PSMG2: variants seen among roughly 807,000 people sequenced by gnomAD.
PSMG2 encodes proteasome assembly chaperone 2, also known as CD40 ligand-activated specific transcript 3.
In PSMG2, 21 loss-of-function variants were observed where a neutral mutation model predicts 31.5. That is an observed-to-expected ratio of 0.67 (90% CI 0.47 to 0.96). The LOEUF is 0.96. PSMG2 is among the 40% of genes least tolerant of loss of function. The probability of loss-of-function intolerance (pLI) is 0.00; values close to 1 mark genes in which losing one functional copy is unlikely to be tolerated. For missense variants in PSMG2, 318 were observed against 321.2 expected (o/e 0.99, Z 0.08); for synonymous variants, 120 against 110.4 (o/e 1.09, Z -0.54).
intron 2 of PSMG2, among the ~76,000 whole-genome samples, chr18:12,711,682 CCCCT>C (rs1282342576): frequency 5.3e-5 from 8 of 152,000 alleles, no homozygotes; most frequent in African/African-American, 1.9e-4. Flanking sequence ...CCAACACTTA[CCCCT>C]TAGCACAGTA....
intron 4 of PSMG2, 101 bp from the exon 5 acceptor site, chr18:12,720,409 T>C: frequency 1.1e-6 from 1 of 938,206 alleles, no homozygotes; most frequent in Non-Finnish European, 1.5e-6. Flanking sequence ...AACTTGTGTT[T>C]TGCCTGTGCA....
chr18:12,662,187 A>G (rs71353221), intron 1 of PSMG2: 34,875 of 428,846 alleles, frequency 0.081, 1,803 homozygotes, highest in Non-Finnish European at 0.11. Flanking sequence ...AGTGCACCAG[A>G]AAGGAAAAAA....
intron 1 of PSMG2, among the ~76,000 whole-genome samples, chr18:12,683,102 T>C (rs2039407293): frequency 6.7e-6 from 1 of 150,134 alleles, no homozygotes; most frequent in African/African-American, 2.5e-5. Context: ...TCTCAGCACT[T>C]TGGGAGGCTG....
chr18:12,695,199 AAT>A, intron 1 of PSMG2: 1 of 704,006 alleles, frequency 1.4e-6, no homozygotes, highest in Non-Finnish European at 2.3e-6. Context: ...TCAACAGGTA[AAT>A]ATACTACTAT....
intron 1 of PSMG2, among the ~76,000 whole-genome samples, chr18:12,663,189 AT>A (rs2038734113): frequency 6.6e-6 from 1 of 152,202 alleles, no homozygotes; most frequent in African/African-American, 2.4e-5. Flanking sequence ...TTATAGTCAT[AT>A]TACATAATTC....
chr18:12,679,472 G>A (rs971063147), intron 1 of PSMG2, among the ~76,000 whole-genome samples: 2 of 152,036 alleles, frequency 1.3e-5, no homozygotes, highest in Non-Finnish European at 2.9e-5. Flanking sequence ...TGGAGCGTCC[G>A]TTTCCCAGTG....
At chr18:12,690,642 A>G (rs541425319) in intron 1 of PSMG2, among the ~76,000 whole-genome samples, 9 of 152,212 alleles carry the variant, frequency 5.9e-5, no homozygotes, top group African/African-American at 2.2e-4. Flanking sequence ...TTTTTAGTAG[A>G]AACGGGGTTT....
chr18:12,725,458 C>T lies in PSMG2; in HGVS notation c.722C>T (p.Ser241Phe), dbSNP rs950677824. The change falls in exon 7 of 7, where the codon TCT becomes TTT. Residue 241 changes from serine (S) to phenylalanine (F), a missense_variant. Coordinates refer to ENST00000317615, the MANE Select transcript of PSMG2 (RefSeq NM_020232.5). Reference protein sequence around the residue: ...LKPLSDDPTVSASRWKIPSSW... With the variant: ...LKPLSDDPTVFASRWKIPSSW... ...TTACAGAGCGATGACCCCACAGTAT[C>T]TGCCTCACGGTGGAAAATACCAAGT... is the stretch of plus-strand genomic sequence containing the variant. 1.3e-6 allele frequency: 2 copies of T among 1,599,948 alleles called. No homozygotes were observed. The highest frequency in any genetic ancestry group is 1.7e-5 in the Admixed American group (1 of 59,856).
At chr18:12,720,761 C>G in intron 5 of PSMG2, 78 bp downstream of exon 5, 19 of 1,416,342 alleles carry the variant, frequency 1.3e-5, no homozygotes, top group Non-Finnish European at 1.8e-5. Context: ...GATCGTGCCA[C>G]TGCACTCTAG....
At chr18:12,670,191 G>A (rs1218252486) in intron 1 of PSMG2, among the ~76,000 whole-genome samples, 2 of 151,728 alleles carry the variant, frequency 1.3e-5, no homozygotes, top group East Asian at 3.9e-4. Context: ...TTAGCTGGGC[G>A]TGGTAGCGTG....
intron 4 of PSMG2, among the ~76,000 whole-genome samples, chr18:12,719,545 G>A (rs1414642577): frequency 2.0e-5 from 3 of 149,864 alleles, no homozygotes; most frequent in Non-Finnish European, 4.4e-5. Flanking sequence ...CTGCCGCCAC[G>A]CCAGACTAAT....
rs1175994458 is a variant in PSMG2 at position 12,706,698 on chromosome 18, C to T, written c.206C>T (p.Thr69Ile). ...TATGCGACCACAGAAGGAAATTCAA[C>T]AGAACTTAGCATAAATGCTGAAGGT... ...NPYATTEGNSTELSINAEVYS... is the reference protein window; with the variant it reads ...NPYATTEGNSIELSINAEVYS... Residue 69 changes from threonine (T) to isoleucine (I), a missense_variant, in exon 2 of 7, where the codon ACA (threonine) becomes ATA (isoleucine). Thr to Ile is a moderately conservative substitution (Grantham distance 89). Transcript: ENST00000317615. 6.2e-7 allele frequency: 1 copy of T among 1,608,678 alleles called. No individual in the cohort carries two copies. Among genetic ancestry groups the T allele is most frequent in the African/African-American group, 1.3e-5 (1 of 74,962 alleles).
chr18:12,697,461 A>T (rs752143078), intron 1 of PSMG2: 20 of 1,151,402 alleles, frequency 1.7e-5, no homozygotes, highest in Non-Finnish European at 2.3e-5. Flanking sequence ...CAGTTAGGCC[A>T]ACATAAAAGA....
chr18:12,699,740 A>C (rs1261403276), upstream of PSMG2: 2 of 724,108 alleles, frequency 2.8e-6, no homozygotes, highest in East Asian at 6.1e-5. Context: ...GGGGGGAAAA[A>C]ATGGAAATGT....
chr18:12,701,000 T>A (rs1420698762), upstream of PSMG2: 2 of 1,613,664 alleles, frequency 1.2e-6, no homozygotes, highest in Non-Finnish European at 1.7e-6. Context: ...CAATGATTCC[T>A]CGACGTCTAA....
chr18:12,724,095 C>T (rs965819059), intron 5 of PSMG2: 4 of 162,520 alleles, frequency 2.5e-5, no homozygotes, highest in African/African-American at 9.5e-5. Context: ...TTTAATGATT[C>T]CATTCTCTTC....
At chr18:12,669,897 T>C (rs2038897434) in intron 1 of PSMG2, among the ~76,000 whole-genome samples, 2 of 148,870 alleles carry the variant, frequency 1.3e-5, no homozygotes, top group South Asian at 4.2e-4. Flanking sequence ...CTTGGGAGGC[T>C]GAGTCAGGAG....
chr18:12,662,279 T>C, intron 1 of PSMG2: 1 of 393,278 alleles, frequency 2.5e-6, no homozygotes, highest in South Asian at 1.9e-5. Flanking sequence ...GTAGTGCTAT[T>C]TATACTTTCA....
upstream of PSMG2, chr18:12,700,963 C>T (rs1185806164): frequency 6.2e-7 from 1 of 1,612,044 alleles, no homozygotes; most frequent in Non-Finnish European, 8.5e-7. Flanking sequence ...CTCACAGTAA[C>T]AAAATTAAGT....
Sources: gnomAD v4.1 joint callset for allele counts (sites outside exome capture counted in the v4.1 genomes callset) on GRCh38, gnomAD v4.1.1 for gene constraint, MANE v1.5 for transcripts, NCBI Gene and HGNC (gene_info 2026-07-23, HGNC 2026-07-21) for gene names.